MRPL43: variants seen among roughly 807,000 people sequenced by gnomAD.
MRPL43 encodes mitochondrial ribosomal protein L43.
MRPL43 carries 9 observed loss-of-function variants against 12.7 expected under a neutral mutation model. The observed-to-expected ratio is 0.71, with a 90% CI of 0.43 to 1.24. The LOEUF is 1.24. Ranked by LOEUF, MRPL43 falls within the 50% of genes most tolerant of loss-of-function variation. The pLI is 0.00. For missense variants in MRPL43, 211 were observed against 229.2 expected, an observed-to-expected ratio of 0.92 and a Z score of 0.51; for synonymous variants, 116 against 96.4, an observed-to-expected ratio of 1.20 and a Z score of -1.19.
At chr10:100,981,186 C>T, downstream of MRPL43, 3 of 1,614,178 alleles carry the variant, frequency 1.9e-6, no homozygotes, top group Non-Finnish European at 2.5e-6. Context: ...TGATACAGGA[C>T]ATAGAGAGAG....
downstream of MRPL43, chr10:100,978,006 C>T (rs1850876488): frequency 1.8e-6 from 1 of 570,462 alleles, no homozygotes; most frequent in Non-Finnish European, 3.1e-6. Context: ...GGCCTTGATC[C>T]CCTGGACAGC....
chr10:100,983,596 C>T (rs1376084022), downstream of MRPL43: 4 of 1,613,998 alleles, frequency 2.5e-6, no homozygotes, highest in Non-Finnish European at 1.7e-6. Flanking sequence ...GCTCCAAAAG[C>T]CCCTGCCACA....
Position 100,986,833 on chromosome 10 carries a change from C to T in MRPL43, c.381G>A (p.Gln127=). The T allele has an allele frequency of 1.2e-6, 2 of 1,613,936 alleles. No homozygotes were observed. The highest frequency in any genetic ancestry group is 1.7e-6 in the Non-Finnish European group (2 of 1,180,038). The change falls in exon 3 of 3, where the codon CAG becomes CAA. Residue 127 remains glutamine, a synonymous_variant. Coordinates refer to ENST00000318364, the MANE Select transcript of MRPL43 (RefSeq NM_032112.3). The part of the protein sequence containing the change: ...KPFHTDNPSI[Q]GQWHPFTNKP... ...TGTTGGTGAAGGGGTGCCACTGGCC[C>T]TGGATGCTAGGGTTGTCGGTGTGGA... is the stretch of plus-strand genomic sequence containing the variant.
At chr10:100,979,028 G>A, downstream of MRPL43, 4 of 1,613,716 alleles carry the variant, frequency 2.5e-6, no homozygotes, top group Non-Finnish European at 3.4e-6. Context: ...GGTGGATTGG[G>A]CTGACGTTGG....
At chr10:100,979,461 C>A (rs920247052), downstream of MRPL43, 4 of 1,417,520 alleles carry the variant, frequency 2.8e-6, no homozygotes, top group African/African-American at 5.7e-5. Flanking sequence ...CGGCTCACTG[C>A]AATCTCCGCC....
downstream of MRPL43, chr10:100,981,211 G>A (rs781378063): frequency 6.2e-7 from 1 of 1,614,246 alleles, no homozygotes; most frequent in Non-Finnish European, 8.5e-7. Context: ...TCGAGGCTGT[G>A]AGAGCAGCAG....
At chr10:100,978,855 A>G, downstream of MRPL43, 1 of 1,613,740 alleles carries the variant, frequency 6.2e-7, no homozygotes, top group Non-Finnish European at 8.5e-7. Context: ...ACAGATGCGG[A>G]GTTTGTGTTC....
chr10:100,979,825 C>G (rs772533949), downstream of MRPL43: 97 of 1,611,612 alleles, frequency 6.0e-5, no homozygotes, highest in Non-Finnish European at 8.1e-5. Flanking sequence ...AACTCACCCC[C>G]CTTGCCCTAT....
downstream of MRPL43, chr10:100,978,578 T>C (rs1589986527): frequency 6.2e-7 from 1 of 1,614,076 alleles, no homozygotes; most frequent in Non-Finnish European, 8.5e-7. Flanking sequence ...ATTCCTGACA[T>C]CCGCCGGAGC....
chr10:100,981,811 AC>A (rs2078083371), downstream of MRPL43, among the ~76,000 whole-genome samples: 1 of 152,158 alleles, frequency 6.6e-6, no homozygotes, highest in Non-Finnish European at 1.5e-5. Context: ...TAATCCCAGC[AC>A]TTCGGGAGGC....
chr10:100,984,280 C>G, downstream of MRPL43: 1 of 1,439,730 alleles, frequency 6.9e-7, no homozygotes, highest in Non-Finnish European at 9.1e-7. Context: ...GCTGGCCAGT[C>G]AGGCCCAGCC....
At chr10:100,978,839 T>G (rs758882299), downstream of MRPL43, 17 of 1,612,338 alleles carry the variant, frequency 1.1e-5, no homozygotes, top group Non-Finnish European at 1.0e-5. Flanking sequence ...TCAAACTGCC[T>G]GACCCACAGA....
In MRPL43 at chr10:100,987,459, G is replaced by A. The variant is rs745634636; in HGVS notation, c.-16C>T. On this transcript the variant is annotated 5_prime_UTR_variant, in exon 1 of 3. Coordinates refer to ENST00000318364, the MANE Select transcript of MRPL43 (RefSeq NM_032112.3). ...GCGCCGTCATAGCTACAGCTTGGAG[G>A]CCGCGGAGCCTAAGCAGCGAGGAGA... The A allele has an allele frequency of 9.3e-6, 15 of 1,610,644 alleles. No homozygotes were observed. The highest frequency in any genetic ancestry group is 1.3e-5 in the African/African-American group (1 of 74,916).
At chr10:100,982,816 G>T (rs1408382509), downstream of MRPL43, among the ~76,000 whole-genome samples, 1 of 152,126 alleles carries the variant, frequency 6.6e-6, no homozygotes, top group African/African-American at 2.4e-5. Context: ...AAACAAAAAG[G>T]CGAGCAAGAA....
At chr10:100,984,692 T>G, downstream of MRPL43, 1 of 1,536,282 alleles carries the variant, frequency 6.5e-7, no homozygotes. Context: ...GTTTCATCCC[T>G]GCTTCTGGAC....
chr10:100,983,644 A>G (rs544195173), downstream of MRPL43: 12 of 1,613,788 alleles, frequency 7.4e-6, no homozygotes, highest in Admixed American at 8.3e-5. Flanking sequence ...AGACTGCTCT[A>G]TGTGCTAGCC....
chr10:100,981,090 T>C, downstream of MRPL43: 3 of 1,607,116 alleles, frequency 1.9e-6, no homozygotes, highest in South Asian at 1.1e-5. Flanking sequence ...TAGTTATTAG[T>C]AACAGACCTA....
chr10:100,977,901 CT>C, downstream of MRPL43: 1 of 611,400 alleles, frequency 1.6e-6, no homozygotes, highest in Non-Finnish European at 2.9e-6. Context: ...AACCATTCCC[CT>C]TTGTAAAAAC....
chr10:100,982,074 A>AG (rs1401309677), downstream of MRPL43, among the ~76,000 whole-genome samples: 3 of 150,764 alleles, frequency 2.0e-5, 1 homozygote, highest in Non-Finnish European at 4.4e-5. Flanking sequence ...AAAAAAAAAA[A>AG]AAAGAAAGAA....
Sources: gnomAD v4.1 joint callset for allele counts (sites outside exome capture counted in the v4.1 genomes callset) on GRCh38, gnomAD v4.1.1 for gene constraint, MANE v1.5 for transcripts, NCBI Gene and HGNC (gene_info 2026-07-23, HGNC 2026-07-21) for gene names.